DEPTOR: variants seen among roughly 807,000 people sequenced by gnomAD.
The protein encoded by DEPTOR is DEP domain containing MTOR interacting protein.
Under a neutral mutation model 41.6 loss-of-function variants are expected in DEPTOR, and 41 were observed. The ratio of observed to expected loss-of-function variants is 0.98; its 90% CI spans 0.77 to 1.28. The LOEUF is 1.28. Ranked by LOEUF, DEPTOR falls within the 50% of genes most tolerant of loss-of-function variation. The pLI is 0.00. For missense variants in DEPTOR, 514 were observed against 527.9 expected (o/e 0.97, Z 0.26); for synonymous variants, 195 against 192.3 (o/e 1.01, Z -0.12).
intron 7 of DEPTOR, 80 bp from the exon 8 acceptor site, chr8:120,008,949 G>T (rs1812489659): frequency 2.3e-6 from 3 of 1,304,612 alleles, no homozygotes; most frequent in East Asian, 4.7e-5. Context: ...TTAATCCTGG[G>T]CTGGTTTTCT....
chr8:119,956,691 CTT>C (rs758085640), intron 3 of DEPTOR, among the ~76,000 whole-genome samples: 38 of 97,460 alleles, frequency 3.9e-4, no homozygotes, highest in Admixed American at 4.0e-4. Flanking sequence ...CACAGGTCTC[CTT>C]TTTTTTTTTT....
At chr8:119,980,988 A>G (rs1261156457) in intron 4 of DEPTOR, among the ~76,000 whole-genome samples, 1 of 152,100 alleles carries the variant, frequency 6.6e-6, no homozygotes, top group African/African-American at 2.4e-5. Flanking sequence ...TCACAATCCT[A>G]TTTTCTTTCT....
In DEPTOR at chr8:119,892,298, C is replaced by T. The variant is rs560482616; in HGVS notation, c.122+18330C>T. 2.0e-5 allele frequency among the ~76,000 whole-genome samples: 3 copies of T among 152,188 alleles called. No homozygotes were observed. In the East Asian group the frequency reaches 5.8e-4, roughly 29 times the overall value. On this transcript the variant is annotated intron_variant, in intron 1 of 8. Transcript: ENST00000286234. ...ACAGGCATGAGCTACTATACCTGGC[C>T]TGGAGCTACCTTTGATTATCAAGGT...
chr8:119,942,748 T>C (rs1828219668), intron 3 of DEPTOR, among the ~76,000 whole-genome samples: 1 of 152,206 alleles, frequency 6.6e-6, no homozygotes, highest in Admixed American at 6.5e-5. Flanking sequence ...TCAGAGTTCT[T>C]ATCCTGCCCC....
chr8:120,021,624 G>A (rs1466935402), intron 8 of DEPTOR, among the ~76,000 whole-genome samples: 1 of 151,970 alleles, frequency 6.6e-6, no homozygotes, highest in African/African-American at 2.4e-5. Context: ...GAGGGAGAGA[G>A]TCTATGTAAT....
intron 1 of DEPTOR, among the ~76,000 whole-genome samples, chr8:119,898,547 G>A (rs10103660): frequency 0.5 from 75,275 of 151,270 alleles, 20,394 homozygotes; most frequent in East Asian, 0.92. Context: ...AATGTGATGA[G>A]ACCCCGCTTC....
intron 3 of DEPTOR, among the ~76,000 whole-genome samples, chr8:119,961,277 G>A (rs1260758347): frequency 2.6e-5 from 4 of 151,518 alleles, no homozygotes; most frequent in Non-Finnish European, 5.9e-5. Context: ...TTAGCCAGGT[G>A]TGGTGGTGCA....
At position 119,907,999 on chromosome 8, in the gene DEPTOR, G is replaced by T. The variant is rs912794569; in HGVS notation, c.123-20401G>T. ...TGACTCAGGGTGGGACACCTAGCTAGCCTCATGATGAGGCTGGCCATCAGA... is the reference window on the plus strand; with the variant it reads ...TGACTCAGGGTGGGACACCTAGCTATCCTCATGATGAGGCTGGCCATCAGA... On this transcript the variant is annotated intron_variant, in intron 1 of 8. Transcript: ENST00000286234. Among the ~76,000 whole-genome samples the T allele has an allele frequency of 1.1e-4, 17 of 152,146 alleles. 1 individual carries two copies. Among genetic ancestry groups the T allele is most frequent in the Non-Finnish European group, 1.0e-4 (7 of 68,042 alleles).
At chr8:119,942,723 T>TTTCTTTC (rs1350957438) in intron 3 of DEPTOR, among the ~76,000 whole-genome samples, 1 of 152,170 alleles carries the variant, frequency 6.6e-6, no homozygotes, top group African/African-American at 2.4e-5. Flanking sequence ...TTTTCTGGAG[T>TTTCTTTC]TGAAGAAGGA....
intron 4 of DEPTOR, among the ~76,000 whole-genome samples, chr8:119,982,676 G>A (rs1414465777): frequency 2.0e-5 from 3 of 152,174 alleles, no homozygotes; most frequent in African/African-American, 7.2e-5. Flanking sequence ...CAAAGGCGCT[G>A]TCCATCTCTC....
chr8:120,048,031 T>A (rs1484810681), intron 8 of DEPTOR, among the ~76,000 whole-genome samples: 1 of 124,606 alleles, frequency 8.0e-6, no homozygotes, highest in Non-Finnish European at 1.8e-5. Context: ...AGACTCCATG[T>A]CAAAAAAAAA....
chr8:119,977,547 C>A (rs1009239823), intron 4 of DEPTOR, among the ~76,000 whole-genome samples: 2 of 152,040 alleles, frequency 1.3e-5, no homozygotes, highest in African/African-American at 4.8e-5. Context: ...ATGCTTTGGC[C>A]CTGTGTTACT....
chr8:120,003,087 C>T lies in DEPTOR; in HGVS notation c.901C>T (p.Pro301Ser). The part of the protein sequence containing the change: ...SSSPTLSSSP[P>S]VLCNPKSVLK... ...CAGCCCCACCCTCAGCAGCAGCCCCCCTGTGCTCTGCAACCCCAAGTCCGG... is the reference window on the plus strand; with the variant it reads ...CAGCCCCACCCTCAGCAGCAGCCCCTCTGTGCTCTGCAACCCCAAGTCCGG... Residue 301 changes from proline to serine, a missense_variant, in exon 6 of 9, where the codon CCT (proline) becomes TCT (serine). Physicochemically the swap from Pro to Ser is moderately conservative, Grantham distance 74. Coordinates refer to ENST00000286234, the MANE Select transcript of DEPTOR (RefSeq NM_022783.4). 1 of 1,613,000 alleles carries T rather than the reference C, an allele frequency of 6.2e-7. No individual in the cohort carries two copies. Among genetic ancestry groups the T allele is most frequent in the South Asian group, 1.1e-5 (1 of 91,052 alleles).
intron 4 of DEPTOR, among the ~76,000 whole-genome samples, chr8:119,997,477 C>T (rs532043084): frequency 1.3e-5 from 2 of 152,282 alleles, no homozygotes; most frequent in African/African-American, 4.8e-5. Flanking sequence ...CTCATGCTAT[C>T]CTCCCACCTT....
At chr8:120,022,465 C>T (rs1812734596) in intron 8 of DEPTOR, among the ~76,000 whole-genome samples, 1 of 152,064 alleles carries the variant, frequency 6.6e-6, no homozygotes, top group Non-Finnish European at 1.5e-5. Flanking sequence ...TGGGTTTTTA[C>T]TCTGCCTTTT....
At chr8:119,883,131 G>A (rs1374204586) in intron 1 of DEPTOR, among the ~76,000 whole-genome samples, 1 of 152,006 alleles carries the variant, frequency 6.6e-6, no homozygotes, top group African/African-American at 2.4e-5. Context: ...ATATTTGTGA[G>A]GTTGGGTGGG....
chr8:119,886,299 A>T (rs1352680890), intron 1 of DEPTOR, among the ~76,000 whole-genome samples: 1 of 152,166 alleles, frequency 6.6e-6, no homozygotes, highest in Non-Finnish European at 1.5e-5. Context: ...TCTGGGAGAA[A>T]GGGAAGTATT....
At chr8:119,991,968 T>G (rs1340256257) in intron 4 of DEPTOR, among the ~76,000 whole-genome samples, 1 of 152,206 alleles carries the variant, frequency 6.6e-6, no homozygotes, top group Non-Finnish European at 1.5e-5. Flanking sequence ...CCTGGATGTG[T>G]GAAAGAAGTT....
chr8:119,929,796 T>G lies in DEPTOR; in HGVS notation c.302-19T>G. 2 of 1,580,410 alleles carry G rather than the reference T, an allele frequency of 1.3e-6. No individual in the cohort carries two copies. On this transcript the variant is annotated intron_variant, in intron 2 of 8. Coordinates refer to ENST00000286234, the MANE Select transcript of DEPTOR (RefSeq NM_022783.4). ...CGATTTTTTTTCTCATTTGCTTCTC[T>G]GTGCATATTGTGTTTCAGTGTGTGA...
Sources: gnomAD v4.1 joint callset for allele counts (sites outside exome capture counted in the v4.1 genomes callset) on GRCh38, gnomAD v4.1.1 for gene constraint, MANE v1.5 for transcripts, NCBI Gene and HGNC (gene_info 2026-07-23, HGNC 2026-07-21) for gene names.